The following MEGF10 variants were observed in gnomAD, a reference collection of about 807,000 sequenced individuals.
MEGF10 encodes multiple epidermal growth factor-like domains protein 10.
In MEGF10, 86 loss-of-function variants were observed where a neutral mutation model predicts 147.5. The observed-to-expected ratio is 0.58, with a 90% CI of 0.49 to 0.70. MEGF10 has a LOEUF of 0.70. MEGF10 is among the 30% of genes least tolerant of loss of function. The pLI is 0.00. For synonymous variants in MEGF10, 478 were observed against 525.5 expected, an observed-to-expected ratio of 0.91 and a Z score of 1.24; for missense variants, 1,329 against 1,487.3, an observed-to-expected ratio of 0.89 and a Z score of 1.75.
chr5:127,326,404 A>G (rs879819939), intron 1 of MEGF10, among the ~76,000 whole-genome samples: 2 of 152,182 alleles, frequency 1.3e-5, no homozygotes, highest in Admixed American at 6.5e-5. Context: ...TACCTGGATA[A>G]TATGTTATTA....
chr5:127,250,393 A>G, the MEGF10 span, among the ~76,000 whole-genome samples: 3 of 149,868 alleles, frequency 2.0e-5, no homozygotes, highest in East Asian at 5.8e-4. Context: ...ATAAATAGAT[A>G]AAAAAAATTT....
intron 16 of MEGF10, among the ~76,000 whole-genome samples, chr5:127,437,597 A>C (rs1387680823): frequency 2.0e-5 from 3 of 152,290 alleles, no homozygotes; most frequent in South Asian, 2.1e-4. Context: ...TTTGTCAATG[A>C]AATTATTTTA....
intron 4 of MEGF10, among the ~76,000 whole-genome samples, chr5:127,364,622 T>C (rs1219450645): frequency 2.0e-5 from 3 of 152,232 alleles, no homozygotes; most frequent in East Asian, 3.8e-4. Flanking sequence ...TTTGGAAATA[T>C]GAAAGCAAAA....
intron 17 of MEGF10, among the ~76,000 whole-genome samples, chr5:127,440,238 A>C (rs1341779987): frequency 6.6e-6 from 1 of 152,126 alleles, no homozygotes; most frequent in Non-Finnish European, 1.5e-5. Context: ...ATTCTAGTAC[A>C]CCTCTTCAGG....
chr5:127,426,606 G>A (rs1359586112), intron 13 of MEGF10, among the ~76,000 whole-genome samples: 1 of 152,170 alleles, frequency 6.6e-6, no homozygotes, highest in African/African-American at 2.4e-5. Flanking sequence ...GCTATAAAAT[G>A]AGGCTCGCTT....
Position 127,457,568 on chromosome 5 carries a change from C to T in MEGF10, c.*250C>T, listed in dbSNP as rs1443025106. 2.0e-5 allele frequency: 9 copies of T among 447,236 alleles called. No homozygotes were observed. The highest frequency in any genetic ancestry group is 3.2e-5 in the Non-Finnish European group (8 of 251,418). 27.7% of individuals were successfully genotyped at this position (447,236 alleles called of 1,614,324 possible). A position where few individuals can be genotyped will look rare whatever the true frequency, so the allele number is the denominator to read the frequency against. ...TTAGAACTATACCCGTGAAGCATGA[C>T]TTATTGTAAGATGTTGGCTGAAAGC... On this transcript the variant is annotated 3_prime_UTR_variant, in exon 25 of 25. Transcript: ENST00000503335.
chr5:127,391,084 A>ATGTGCGCG (rs146867870), intron 5 of MEGF10, among the ~76,000 whole-genome samples: 20,420 of 93,378 alleles, frequency 0.22, 1,674 homozygotes, highest in Non-Finnish European at 0.25. Flanking sequence ...ATACATACAC[A>ATGTGCGCG]CATGCGCGCG....
chr5:127,446,127 G>A lies in MEGF10; in HGVS notation c.2728+434G>A, dbSNP rs185312276. Among the ~76,000 whole-genome samples the A allele has an allele frequency of 5.9e-5, 9 of 152,266 alleles. 1 individual carries two copies. The highest frequency in any genetic ancestry group is 4.1e-4 in the South Asian group (2 of 4,822). On this transcript the variant is annotated intron_variant, in intron 20 of 24. Coordinates refer to ENST00000503335, the MANE Select transcript of MEGF10 (RefSeq NM_001256545.2). The stretch of plus-strand genomic sequence containing the variant: ...GCCTCTCCCTAGGCCTACCCGAATC[G>A]TTAACTGAAGGGAACAAAGTTATAT...
rs1239897738 is a variant in MEGF10 at position 127,371,200 on chromosome 5, T to TGC, written c.412+1199_412+1200insCG. Among the ~76,000 whole-genome samples the TGC allele has an allele frequency of 4.0e-5, 4 of 100,052 alleles. No individual in the cohort carries two copies. In the East Asian group the frequency reaches 7.1e-4, roughly 18 times the overall value. 65.6% of individuals were successfully genotyped at this position (100,052 alleles called of 152,430 possible). ...TAAACAGGGACTGGGACTGTGTGTG[T>TGC]GTGTGTGTGTGTGTGTGTGTGTGTG... On this transcript the variant is annotated intron_variant, in intron 5 of 24. Transcript: ENST00000503335.
intron 13 of MEGF10, among the ~76,000 whole-genome samples, chr5:127,431,211 A>G (rs6595773): frequency 0.12 from 18,669 of 152,204 alleles, 2,102 homozygotes; most frequent in African/African-American, 0.29. Flanking sequence ...TAAGGGAAGA[A>G]GAATAAGTTA....
At chr5:127,276,095 C>T in the MEGF10 span, among the ~76,000 whole-genome samples, 1 of 152,218 alleles carries the variant, frequency 6.6e-6, no homozygotes, top group Admixed American at 6.5e-5. Flanking sequence ...ACCATATAAA[C>T]ATAACTATCT....
intron 4 of MEGF10, among the ~76,000 whole-genome samples, chr5:127,365,633 G>A (rs759696613): frequency 8.5e-5 from 13 of 152,186 alleles, no homozygotes; most frequent in Non-Finnish European, 1.8e-4. Context: ...CCTAGTTCTT[G>A]AGGGAAAAGA....
At position 127,331,399 on chromosome 5, in the gene MEGF10, C is replaced by A. The variant is rs747297951; in HGVS notation, c.91C>A (p.Pro31Thr). The change falls in exon 2 of 25, where the codon CCT becomes ACT. Residue 31 changes from proline to threonine, a missense_variant. Transcript: ENST00000503335. Reference sequence around the variant, plus strand: ...AGCATCACCTCTGAATCTTGAAGACCCTAATGTGTGTAGCCACTGGGAAAG... The same window carrying A: ...AGCATCACCTCTGAATCTTGAAGACACTAATGTGTGTAGCCACTGGGAAAG... ...GTASPLNLED[P>T]NVCSHWESYS... is the part of the protein sequence containing the mutation. 1.2e-6 allele frequency: 2 copies of A among 1,610,622 alleles called. No individual in the cohort carries two copies. Among genetic ancestry groups the A allele is most frequent in the South Asian group, 1.1e-5 (1 of 90,852 alleles).
rs139462045 is a variant in MEGF10 at position 127,328,365 on chromosome 5, A to G, written c.-18-2926A>G. On this transcript the variant is annotated intron_variant, in intron 1 of 24. Transcript: ENST00000503335. ...CCAAGTAATACACACATACATCCAC[A>G]CATATACACACACACACATATTTTT... Among the ~76,000 whole-genome samples the G allele has an allele frequency of 1.0e-3, 157 of 152,316 alleles. 1 individual carries two copies. In the East Asian group the frequency reaches 0.03, roughly 29 times the overall value.
the MEGF10 span, among the ~76,000 whole-genome samples, chr5:127,255,318 G>A: frequency 6.6e-6 from 1 of 152,032 alleles, no homozygotes; most frequent in East Asian, 1.9e-4. Flanking sequence ...GAGCGGCAAG[G>A]GATTATACAG....
intron 4 of MEGF10, among the ~76,000 whole-genome samples, chr5:127,357,209 C>T (rs1358720596): frequency 6.6e-6 from 1 of 152,092 alleles, no homozygotes; most frequent in Non-Finnish European, 1.5e-5. Context: ...GGAGGAGATG[C>T]GTATTTTACT....
At chr5:127,393,481 G>A (rs755273165) in intron 5 of MEGF10, among the ~76,000 whole-genome samples, 7 of 152,268 alleles carry the variant, frequency 4.6e-5, no homozygotes, top group Non-Finnish European at 1.0e-4. Flanking sequence ...AGGAAGTCAC[G>A]GTAATGTCTG....
chr5:127,344,553 A>T (rs994965388), intron 4 of MEGF10, among the ~76,000 whole-genome samples: 2 of 152,184 alleles, frequency 1.3e-5, no homozygotes, highest in Non-Finnish European at 2.9e-5. Flanking sequence ...AGGATTATCC[A>T]ACTCCTGTCC....
At chr5:127,242,165 G>A in the MEGF10 span, among the ~76,000 whole-genome samples, 1 of 152,268 alleles carries the variant, frequency 6.6e-6, no homozygotes, top group East Asian at 1.9e-4. Context: ...ACATACAACA[G>A]GCAGCTTATG....
Sources: allele counts gnomAD v4.1 joint callset (sites outside exome capture counted in the v4.1 genomes callset), GRCh38; gene constraint gnomAD v4.1.1; transcripts MANE v1.5; gene names NCBI Gene and HGNC (gene_info 2026-07-23, HGNC 2026-07-21).